Variants in DNAH6 observed in about 807,000 individuals in gnomAD.
DNAH6 encodes the protein axonemal beta dynein heavy chain 6.
Under a neutral mutation model 491.4 loss-of-function variants are expected in DNAH6, and 340 were observed. That is an observed-to-expected ratio of 0.69 (90% confidence interval 0.63 to 0.76). DNAH6 has a LOEUF of 0.76. Ranked by LOEUF, DNAH6 falls within the 30% of genes least tolerant of loss-of-function variation. The probability of loss-of-function intolerance (pLI) is 0.00; values close to 1 mark genes in which losing one functional copy is unlikely to be tolerated. For missense variants in DNAH6, 4,443 were observed against 4,972.2 expected (o/e 0.89, Z 3.20); for synonymous variants, 1,603 against 1,686.1 (o/e 0.95, Z 1.21).
Position 84,699,710 on chromosome 2 carries a change from C to A in DNAH6, c.7794C>A (p.Cys2598Ter). 1 of 1,551,652 alleles carries A rather than the reference C, an allele frequency of 6.4e-7. No individual in the cohort carries two copies. The highest frequency in any genetic ancestry group is 1.2e-5 in the South Asian group (1 of 84,024). ...RCRMFPSLVN[C>*]CTIDWFVQWP... ...GGATGTTTCCATCCCTTGTGAATTG[C>A]TGCACCATTGACTGGTTTGTGCAGG... Residue 2598 changes from cysteine (C) to a stop codon, truncating the protein, a stop_gained, in exon 48 of 77, where the codon TGC becomes TGA. Transcript: ENST00000389394. LOFTEE classifies it high-confidence loss of function.
chr2:84,539,073 G>A (rs12714131), intron 4 of DNAH6, among the ~76,000 whole-genome samples: 146,820 of 152,224 alleles, frequency 0.96, 70,851 homozygotes, highest in East Asian at 1. Flanking sequence ...GTCTAACACA[G>A]TGGCAGTTTT....
chr2:84,653,042 A>G (rs913510707), intron 33 of DNAH6, among the ~76,000 whole-genome samples: 29 of 152,074 alleles, frequency 1.9e-4, no homozygotes, highest in Non-Finnish European at 3.2e-4. Flanking sequence ...ACTGTGGGAA[A>G]TACAGAAAGA....
chr2:84,619,124 T>C (rs1249592125), intron 23 of DNAH6, among the ~76,000 whole-genome samples: 1 of 152,286 alleles, frequency 6.6e-6, no homozygotes. Context: ...CCTCACATGG[T>C]TGGAAATGGT....
chr2:84,683,171 G>T (rs1303457490), intron 42 of DNAH6, among the ~76,000 whole-genome samples: 2 of 152,024 alleles, frequency 1.3e-5, no homozygotes, highest in South Asian at 2.1e-4. Flanking sequence ...ATATTTCTCT[G>T]CATATATGTG....
intron 68 of DNAH6, among the ~76,000 whole-genome samples, chr2:84,789,036 C>T (rs1374103061): frequency 1.3e-5 from 2 of 152,034 alleles, no homozygotes. Flanking sequence ...ATCAAATTTA[C>T]GGTGAAGCTT....
At chr2:84,756,906 A>C (rs1230652967) in intron 63 of DNAH6, among the ~76,000 whole-genome samples, 1 of 152,200 alleles carries the variant, frequency 6.6e-6, no homozygotes, top group African/African-American at 2.4e-5. Flanking sequence ...TTTAAGCAAA[A>C]CATAATAGAG....
At chr2:84,707,046 GCC>G in intron 53 of DNAH6, 27 bp downstream of exon 53, 1 of 1,490,906 alleles carries the variant, frequency 6.7e-7, no homozygotes, top group Non-Finnish European at 8.9e-7. Flanking sequence ...ATTTACATTG[GCC>G]AGGAAATGCC....
At chr2:84,571,792 G>T (rs546804947) in intron 11 of DNAH6, among the ~76,000 whole-genome samples, 1 of 151,410 alleles carries the variant, frequency 6.6e-6, no homozygotes, top group Non-Finnish European at 1.5e-5. Flanking sequence ...GGTGGCGGGC[G>T]CCTGTAATCC....
chr2:84,761,775 T>A (rs1451959538), intron 63 of DNAH6, among the ~76,000 whole-genome samples: 1 of 123,548 alleles, frequency 8.1e-6, no homozygotes, highest in African/African-American at 3.3e-5. Context: ...CAGCATTACA[T>A]ACACACACAC....
At position 84,709,418 on chromosome 2, in the gene DNAH6, C is replaced by T; in HGVS notation, c.9124C>T (p.Leu3042Phe). The T allele has an allele frequency of 6.4e-7, 1 of 1,551,682 alleles. No individual in the cohort carries two copies. The highest frequency in any genetic ancestry group is 8.7e-7 in the Non-Finnish European group (1 of 1,147,010). ...IDPSFSLINI[L>F]GDPYEIRQWN... ...TCCTTCCTTCAGTCTCATTAACATT[C>T]TTGGAGATCCCTACGAGATACGGCA... Residue 3042 changes from leucine (L) to phenylalanine (F), a missense_variant, in exon 55 of 77, where the codon CTT becomes TTT. Coordinates refer to ENST00000389394, the MANE Select transcript of DNAH6 (RefSeq NM_001370.2).
chr2:84,702,242 T>C (rs1198744911), intron 49 of DNAH6, among the ~76,000 whole-genome samples: 2 of 152,108 alleles, frequency 1.3e-5, no homozygotes. Flanking sequence ...TAGTAGAAAA[T>C]AAGGCTAAAA....
At chr2:84,783,076 T>C (rs1176506913) in intron 65 of DNAH6, among the ~76,000 whole-genome samples, 1 of 152,196 alleles carries the variant, frequency 6.6e-6, no homozygotes, top group Non-Finnish European at 1.5e-5. Context: ...ATGTTTAACT[T>C]GAACCAGTAG....
At chr2:84,477,398 CT>C in the DNAH6 span, among the ~76,000 whole-genome samples, 1,685 of 152,266 alleles carry the variant, frequency 0.011, 29 homozygotes, top group African/African-American at 0.039. Flanking sequence ...CCTGCCTCAG[CT>C]TTTTTCCCAA....
intron 14 of DNAH6, 101 bp downstream of exon 14, chr2:84,579,780 G>A (rs1682827757): frequency 1.0e-6 from 1 of 1,002,234 alleles, no homozygotes; most frequent in Non-Finnish European, 1.4e-6. Flanking sequence ...AAAGACAGCT[G>A]TCAAATATCA....
At chr2:84,805,822 G>A (rs1333309274) in intron 71 of DNAH6, 28 bp downstream of exon 71, 26 of 1,535,812 alleles carry the variant, frequency 1.7e-5, no homozygotes, top group Admixed American at 2.1e-5. Context: ...GAATCTGTAT[G>A]TAATGGGAAT....
intron 33 of DNAH6, among the ~76,000 whole-genome samples, chr2:84,642,654 A>T (rs532330772): frequency 6.6e-6 from 1 of 151,588 alleles, no homozygotes; most frequent in East Asian, 1.9e-4. Context: ...TAGATTTTGC[A>T]ATATACATTT....
At chr2:84,518,170 A>G in intron 2 of DNAH6, 119 bp downstream of exon 2, 1 of 699,246 alleles carries the variant, frequency 1.4e-6, no homozygotes, top group Non-Finnish European at 2.4e-6. Flanking sequence ...AAAAGCTAAA[A>G]GATAATAACT....
the DNAH6 span, among the ~76,000 whole-genome samples, chr2:84,507,543 T>C: frequency 6.6e-6 from 1 of 152,154 alleles, no homozygotes; most frequent in Non-Finnish European, 1.5e-5. Context: ...CTTTTCCTAA[T>C]TGAATACCCT....
intron 64 of DNAH6, among the ~76,000 whole-genome samples, chr2:84,776,627 C>G (rs1403659223): frequency 3.3e-5 from 5 of 152,178 alleles, no homozygotes; most frequent in Admixed American, 1.3e-4. Context: ...AATGGTTGAA[C>G]TAGTTTACAG....
Sources: gnomAD v4.1 joint callset for allele counts (sites outside exome capture counted in the v4.1 genomes callset) on GRCh38, gnomAD v4.1.1 for gene constraint, MANE v1.5 for transcripts, NCBI Gene and HGNC (gene_info 2026-07-23, HGNC 2026-07-21) for gene names.